ABRAXAS1: variants seen among roughly 807,000 people sequenced by gnomAD.
ABRAXAS1 encodes BRCA1-A complex subunit Abraxas 1.
ABRAXAS1 carries 26 observed loss-of-function variants against 38.4 expected under a neutral mutation model. That is an observed-to-expected ratio of 0.68 (90% CI 0.50 to 0.94). The LOEUF (loss-of-function observed/expected upper bound fraction) is 0.94, where lower values mean the gene tolerates loss of function less well. ABRAXAS1 is among the 40% of genes least tolerant of loss of function. The probability of loss-of-function intolerance (pLI) is 0.00; values close to 1 mark genes in which losing one functional copy is unlikely to be tolerated. For missense variants in ABRAXAS1, 438 were observed against 481.9 expected (o/e 0.91, Z 0.85); for synonymous variants, 144 against 165.5 (o/e 0.87, Z 1.00).
chr4:83,465,729 A>C (rs939412791), intron 7 of ABRAXAS1, among the ~76,000 whole-genome samples: 1 of 152,196 alleles, frequency 6.6e-6, no homozygotes, highest in Non-Finnish European at 1.5e-5. Context: ...TGGTGGTTGT[A>C]GTGAGCTGAG....
chr4:83,484,570 C>G (rs1466115617), intron 1 of ABRAXAS1, among the ~76,000 whole-genome samples: 1 of 152,252 alleles, frequency 6.6e-6, no homozygotes, highest in East Asian at 1.9e-4. Flanking sequence ...AGACGCTGCT[C>G]TGCATGAAAA....
rs760693074 is a variant in ABRAXAS1, at chr4:83,484,978, C to G, written c.87+8G>C. 2.6e-5 allele frequency: 40 copies of G among 1,568,328 alleles called. No individual in the cohort carries two copies. The highest frequency in any genetic ancestry group is 3.5e-5 in the Non-Finnish European group (40 of 1,155,878). ...CGACGCCGGACCCCGCCCCGTCCCT[C>G]GGCTCACCGTGTCCGAGTCCGTGTT... On this transcript the variant is annotated splice_region_variant and intron_variant, in intron 1 of 8. Coordinates refer to ENST00000321945, the MANE Select transcript of ABRAXAS1 (RefSeq NM_139076.3).
Position 83,484,237 on chromosome 4 carries a change from T to C in ABRAXAS1, c.87+749A>G, listed in dbSNP as rs1021114313. The C allele has an allele frequency of 3.1e-6, 3 of 982,752 alleles. No homozygotes were observed. In the African/African-American group the frequency reaches 5.3e-5, roughly 17 times the overall value. 60.9% of individuals were successfully genotyped at this position (982,752 alleles called of 1,614,324 possible). ...TGAACTTAGCAGAAATTACTAGGCA[T>C]TGTTCAGCAGGGTATTCTCCGAACT... On this transcript the variant is annotated intron_variant, in intron 1 of 8. Transcript: ENST00000321945.
chr4:83,463,808 A>G (rs1306842356), intron 7 of ABRAXAS1, 200 bp from the exon 8 acceptor site: 2 of 350,022 alleles, frequency 5.7e-6, no homozygotes, highest in Non-Finnish European at 1.0e-5. Context: ...AGGTTGTAAA[A>G]TGCTTTTTCA....
chr4:83,475,351 C>T (rs533792730), intron 3 of ABRAXAS1, among the ~76,000 whole-genome samples: 1 of 152,212 alleles, frequency 6.6e-6, no homozygotes, highest in Non-Finnish European at 1.5e-5. Context: ...TCTCCTCCTA[C>T]AGTTAGTTCT....
In ABRAXAS1 at chr4:83,459,817, G is replaced by A; in HGVS notation, c.*2652C>T. ...TTACAGGTATGTTCTTTTTTATTAT[G>A]GGAATATAAATGTAGATACGAATTA... is the stretch of plus-strand genomic sequence containing the variant. On this transcript the variant is annotated 3_prime_UTR_variant, in exon 9 of 9. Coordinates refer to ENST00000321945, the MANE Select transcript of ABRAXAS1 (RefSeq NM_139076.3). 1 of 1,548,846 alleles carries A rather than the reference G, an allele frequency of 6.5e-7. No individual in the cohort carries two copies. Among genetic ancestry groups the A allele is most frequent in the Non-Finnish European group, 8.8e-7 (1 of 1,131,296 alleles).
chr4:83,462,673 T>C lies in ABRAXAS1; in HGVS notation c.1026A>G (p.Gln342=), dbSNP rs1167948292. ...AGTCTAAGGCTTTATGCTTAATGATTTGTGGTGTACTAGCTGGACTAGCTT... is the reference window on the plus strand; with the variant it reads ...AGTCTAAGGCTTTATGCTTAATGATCTGTGGTGTACTAGCTGGACTAGCTT... ...IPEASPASTP[Q]IIKHKALDLD... The change falls in exon 9 of 9, where the codon CAA becomes CAG. Residue 342 remains glutamine (Q), a synonymous_variant. Coordinates refer to ENST00000321945, the MANE Select transcript of ABRAXAS1 (RefSeq NM_139076.3). The C allele has an allele frequency of 6.2e-7, 1 of 1,613,964 alleles. No individual in the cohort carries two copies. Among genetic ancestry groups the C allele is most frequent in the South Asian group, 1.1e-5 (1 of 91,074 alleles).
At chr4:83,464,555 G>A (rs921286325) in intron 7 of ABRAXAS1, among the ~76,000 whole-genome samples, 2 of 152,182 alleles carry the variant, frequency 1.3e-5, no homozygotes, top group Admixed American at 1.3e-4. Flanking sequence ...GGTAATAGTT[G>A]TTTTGCCAGT....
chr4:83,466,661 G>A (rs1002809894), intron 7 of ABRAXAS1, among the ~76,000 whole-genome samples: 7 of 151,554 alleles, frequency 4.6e-5, no homozygotes, highest in Non-Finnish European at 1.0e-4. Flanking sequence ...TCAGCCACCC[G>A]AGTAGCTGGG....
intron 3 of ABRAXAS1, among the ~76,000 whole-genome samples, chr4:83,474,992 G>A (rs546684793): frequency 2.6e-5 from 4 of 152,242 alleles, no homozygotes; most frequent in African/African-American, 9.6e-5. Context: ...TATTTCACAT[G>A]TCTCTCCTAA....
intron 2 of ABRAXAS1, among the ~76,000 whole-genome samples, chr4:83,481,592 T>TA (rs1256585968): frequency 6.6e-6 from 1 of 152,232 alleles, no homozygotes; most frequent in Non-Finnish European, 1.5e-5. Flanking sequence ...ATCTTCCTAC[T>TA]AAACAGCAGG....
Position 83,470,221 on chromosome 4 carries a change from A to G in ABRAXAS1, c.458T>C (p.Leu153Ser). ...SCSTHRLEHS[L>S]YKPQKGLFHR... ...CATTTACCCTTTTTGAGGTTTATAT[A>G]AGGAATGTTCCAGTCGATGAGTAGA... Residue 153 changes from leucine to serine, a missense_variant, in exon 5 of 9, where the codon TTA becomes TCA. Physicochemically the swap from Leu to Ser is moderately radical, Grantham distance 145 (BLOSUM62 -2). This residue lies in a region of ABRAXAS1 where 194 missense variants were observed against 269.0 expected (regional missense o/e 0.72). Transcript: ENST00000321945. 1 of 1,612,606 alleles carries G rather than the reference A, an allele frequency of 6.2e-7. No homozygotes were observed. The highest frequency in any genetic ancestry group is 8.5e-7 in the Non-Finnish European group (1 of 1,179,196).
At chr4:83,466,517 G>C (rs1388310291) in intron 7 of ABRAXAS1, among the ~76,000 whole-genome samples, 1 of 151,524 alleles carries the variant, frequency 6.6e-6, no homozygotes, top group Non-Finnish European at 1.5e-5. Flanking sequence ...AAAGTTTTAA[G>C]AGCTGTTGTG....
Position 83,460,405 on chromosome 4 carries a change from T to G in ABRAXAS1, c.*2064A>C, listed in dbSNP as rs1722043530. The G allele has an allele frequency of 6.6e-6, 1 of 152,212 alleles. No individual in the cohort carries two copies. The highest frequency in any genetic ancestry group is 2.4e-5 in the African/African-American group (1 of 41,390). 9.4% of individuals were successfully genotyped at this position (152,212 alleles called of 1,614,324 possible). The stretch of plus-strand genomic sequence containing the variant: ...CCTGACCTCAGGTGATCCACCTGCC[T>G]AGGCCTCCCAAAGTGCTGGGATTAC... On this transcript the variant is annotated 3_prime_UTR_variant, in exon 9 of 9. Transcript: ENST00000321945.
intron 2 of ABRAXAS1, chr4:83,477,558 G>A (rs1422610636): frequency 1.5e-5 from 7 of 476,400 alleles, no homozygotes; most frequent in Admixed American, 2.4e-5. Context: ...GAGATGTCTC[G>A]TCTGAACTGG....
chr4:83,476,550 A>G (rs1444159496), intron 3 of ABRAXAS1, 93 bp downstream of exon 3: 2 of 916,540 alleles, frequency 2.2e-6, no homozygotes, highest in African/African-American at 1.6e-5. Flanking sequence ...TGTATAGGTT[A>G]TAACTAAGAT....
At chr4:83,471,284 A>G (rs1313965107) in intron 4 of ABRAXAS1, among the ~76,000 whole-genome samples, 1 of 138,072 alleles carries the variant, frequency 7.2e-6, no homozygotes, top group Non-Finnish European at 1.5e-5. Context: ...GCTCATTGCA[A>G]CCTCTGCCTC....
Position 83,460,102 on chromosome 4 carries a change from A to G in ABRAXAS1, c.*2367T>C. ...ACTTGGTGTCAGCAAACTATGGCCCATAGGCCAAATTCGACCTGCTCCCTT... is the reference window on the plus strand; with the variant it reads ...ACTTGGTGTCAGCAAACTATGGCCCGTAGGCCAAATTCGACCTGCTCCCTT... On this transcript the variant is annotated 3_prime_UTR_variant, in exon 9 of 9. Transcript: ENST00000321945. 1 of 204,918 alleles carries G rather than the reference A, an allele frequency of 4.9e-6. No homozygotes were observed. Among genetic ancestry groups the G allele is most frequent in the Non-Finnish European group, 9.6e-6 (1 of 103,694 alleles). The allele number at this position is 204,918 out of a possible 1,614,324, so 12.7% of individuals were successfully genotyped here.
At position 83,459,576 on chromosome 4, in the gene ABRAXAS1, A is replaced by C. The variant is rs1721999578; in HGVS notation, c.*2893T>G. 1.7e-6 allele frequency: 1 copy of C among 585,346 alleles called. No homozygotes were observed. The highest frequency in any genetic ancestry group is 3.0e-6 in the Non-Finnish European group (1 of 332,720). 36.3% of individuals were successfully genotyped at this position (585,346 alleles called of 1,614,324 possible). A position where few individuals can be genotyped will look rare whatever the true frequency, so the allele number is the denominator to read the frequency against. On this transcript the variant is annotated 3_prime_UTR_variant, in exon 9 of 9. Transcript: ENST00000321945. Reference sequence around the variant, plus strand: ...TTGACACACTGGATAGAAAATATTTAAAAGGTAACAGGAGGATAACAATAT... The same window carrying C: ...TTGACACACTGGATAGAAAATATTTCAAAGGTAACAGGAGGATAACAATAT...
Sources: allele counts gnomAD v4.1 joint callset (sites outside exome capture counted in the v4.1 genomes callset), GRCh38; gene constraint gnomAD v4.1.1; regional missense constraint gnomAD v4.1.1; transcripts MANE v1.5; gene names NCBI Gene and HGNC (gene_info 2026-07-23, HGNC 2026-07-21).